Variants in SULF2 observed in about 807,000 individuals in gnomAD.
SULF2 encodes extracellular sulfatase Sulf-2.
A neutral mutation model predicts 107.7 loss-of-function variants in SULF2; 52 were observed. The ratio of observed to expected loss-of-function variants is 0.48; its 90% CI spans 0.39 to 0.61. The LOEUF is 0.61. SULF2 is among the 20% of genes least tolerant of loss of function. SULF2 has a pLI of 0.00. For missense variants in SULF2, 993 were observed against 1,177.3 expected, an observed-to-expected ratio of 0.84 and a Z score of 2.29; for synonymous variants, 460 against 464.3, an observed-to-expected ratio of 0.99 and a Z score of 0.12.
chr20:47,696,925 CAG>C (rs2088397902), intron 4 of SULF2, among the ~76,000 whole-genome samples: 1 of 152,174 alleles, frequency 6.6e-6, no homozygotes, highest in Admixed American at 6.5e-5. Flanking sequence ...CAGTAATAAA[CAG>C]AGCTACAACC....
At chr20:47,684,182 AG>A (rs1427248874) in intron 6 of SULF2, among the ~76,000 whole-genome samples, 1 of 152,240 alleles carries the variant, frequency 6.6e-6, no homozygotes, top group Non-Finnish European at 1.5e-5. Context: ...TGTAAATAGC[AG>A]GAAAAAATAT....
At chr20:47,725,275 C>A (rs1021138433) in intron 3 of SULF2, among the ~76,000 whole-genome samples, 4 of 152,154 alleles carry the variant, frequency 2.6e-5, no homozygotes, top group African/African-American at 9.7e-5. Context: ...TCCGTACATT[C>A]CTGGGAATAT....
chr20:47,760,602 T>G lies in SULF2; in HGVS notation c.-100-3139A>C, dbSNP rs1339545256. Among the ~76,000 whole-genome samples the G allele has an allele frequency of 2.0e-5, 3 of 152,176 alleles. No individual in the cohort carries two copies. In the East Asian group the frequency reaches 5.8e-4, roughly 29 times the overall value. On this transcript the variant is annotated intron_variant, in intron 1 of 20. Coordinates refer to ENST00000688720, the MANE Select transcript of SULF2 (RefSeq NM_001387048.1). The stretch of plus-strand genomic sequence containing the variant: ...CAATCAACTCTCCCAGCTGCCCTGA[T>G]GCGCACCCTAATTTACTTCATTCAG...
At chr20:47,755,669 T>G (rs1351892348) in intron 2 of SULF2, among the ~76,000 whole-genome samples, 1 of 152,176 alleles carries the variant, frequency 6.6e-6, no homozygotes, top group Non-Finnish European at 1.5e-5. Flanking sequence ...TGAATGAGTG[T>G]CCTGTTTCTG....
At chr20:47,735,475 T>G (rs1230968114) in intron 3 of SULF2, among the ~76,000 whole-genome samples, 1 of 152,236 alleles carries the variant, frequency 6.6e-6, no homozygotes, top group African/African-American at 2.4e-5. Context: ...GCATCTTCAA[T>G]AAGGGCCCAC....
Position 47,774,387 on chromosome 20 carries a change from G to C in SULF2, c.-101+10956C>G, listed in dbSNP as rs554151273. 3.3e-5 allele frequency among the ~76,000 whole-genome samples: 5 copies of C among 152,352 alleles called. No homozygotes were observed. In the South Asian group the frequency reaches 1.0e-3, roughly 32 times the overall value. Reference sequence around the variant, plus strand: ...TGGTGAGGCGGGGTCTGGGAGGAGGGAGTGCAGGCATTGAGCCCAGGTCCC... The same window carrying C: ...TGGTGAGGCGGGGTCTGGGAGGAGGCAGTGCAGGCATTGAGCCCAGGTCCC... On this transcript the variant is annotated intron_variant, in intron 1 of 20. Transcript: ENST00000688720.
chr20:47,664,144 A>C lies in SULF2; in HGVS notation c.2043T>G (p.Ser681Arg), dbSNP rs1395699905. The change falls in exon 15 of 21, where the codon AGT becomes AGG. Residue 681 changes from serine to arginine, a missense_variant. Physicochemically the swap from Ser to Arg is moderately radical, Grantham distance 110 (BLOSUM62 -1). Transcript: ENST00000688720. ...HKGRLKHRGSSLHPFRKGLQE... is the reference protein window; with the variant it reads ...HKGRLKHRGSRLHPFRKGLQE... ...GCTGCTCTTACCTGAAAGGATGCAG[A>C]CTGGAGCCTCTGTGCTTGAGGCGGC... 1 of 1,613,598 alleles carries C rather than the reference A, an allele frequency of 6.2e-7. No homozygotes were observed. Among genetic ancestry groups the C allele is most frequent in the South Asian group, 1.1e-5 (1 of 90,914 alleles).
intron 3 of SULF2, among the ~76,000 whole-genome samples, chr20:47,728,795 G>A (rs1285841843): frequency 9.9e-5 from 15 of 152,194 alleles, no homozygotes; most frequent in East Asian, 5.8e-4. Context: ...ACAGGCTTGC[G>A]CCACCACATC....
At chr20:47,720,417 G>A (rs12480095) in intron 3 of SULF2, among the ~76,000 whole-genome samples, 23,635 of 151,802 alleles carry the variant, frequency 0.16, 2,027 homozygotes, top group Non-Finnish European at 0.2. Context: ...CACCACGCCC[G>A]GCTAATTCTT....
intron 4 of SULF2, among the ~76,000 whole-genome samples, chr20:47,692,905 A>G (rs1364966870): frequency 6.6e-6 from 1 of 152,184 alleles, no homozygotes; most frequent in Non-Finnish European, 1.5e-5. Context: ...TTGTGGGGGC[A>G]GAGGGAAGGG....
intron 13 of SULF2, 41 bp from the exon 14 acceptor site, chr20:47,665,334 G>A (rs1350327114): frequency 3.8e-6 from 5 of 1,331,160 alleles, no homozygotes; most frequent in Non-Finnish European, 5.4e-6. Flanking sequence ...AACCTTCAAG[G>A]CTGGACAACA....
At chr20:47,758,613 G>A (rs534030643) in intron 1 of SULF2, among the ~76,000 whole-genome samples, 1 of 152,282 alleles carries the variant, frequency 6.6e-6, no homozygotes, top group African/African-American at 2.4e-5. Flanking sequence ...CAGCGAAGGT[G>A]GGTGCGGGGA....
rs953068636 is a variant in SULF2 at position 47,732,815 on chromosome 20, C to T, written c.415+3888G>A. Reference sequence around the variant, plus strand: ...CTGAGATTACGCCACTGCACTCCAGCGTGGGCAACAGAGTGAGACCCTGTC... The same window carrying T: ...CTGAGATTACGCCACTGCACTCCAGTGTGGGCAACAGAGTGAGACCCTGTC... On this transcript the variant is annotated intron_variant, in intron 3 of 20. Coordinates refer to ENST00000688720, the MANE Select transcript of SULF2 (RefSeq NM_001387048.1). Among the ~76,000 whole-genome samples the T allele has an allele frequency of 6.6e-5, 10 of 152,034 alleles. No homozygotes were observed. In the East Asian group the frequency reaches 7.7e-4, roughly 12 times the overall value.
chr20:47,688,352 G>T (rs565794964), intron 5 of SULF2, among the ~76,000 whole-genome samples: 1 of 152,302 alleles, frequency 6.6e-6, no homozygotes, highest in South Asian at 2.1e-4. Context: ...GGCAAAGGGG[G>T]CTTCTCCACA....
At chr20:47,700,223 A>G (rs970585813) in intron 4 of SULF2, among the ~76,000 whole-genome samples, 1 of 152,164 alleles carries the variant, frequency 6.6e-6, no homozygotes, top group African/African-American at 2.4e-5. Context: ...TCAGCAAACT[A>G]CAGCCAAGCA....
intron 3 of SULF2, among the ~76,000 whole-genome samples, chr20:47,717,320 C>T (rs1029820656): frequency 1.3e-5 from 2 of 152,170 alleles, no homozygotes; most frequent in African/African-American, 4.8e-5. Flanking sequence ...CCCCTTTTCA[C>T]CGAACATCCC....
At chr20:47,732,607 C>T (rs916464085) in intron 3 of SULF2, among the ~76,000 whole-genome samples, 6 of 148,942 alleles carry the variant, frequency 4.0e-5, no homozygotes, top group Admixed American at 1.4e-4. Flanking sequence ...TTTGGGAGGC[C>T]GAGGAGGGTG....
At chr20:47,785,602 C>T (rs540951853), upstream of SULF2, 1,575 of 146,962 alleles carry the variant, frequency 0.011, 11 homozygotes, top group Non-Finnish European at 0.017. Flanking sequence ...CTCCGCACCC[C>T]GCCCGGACCG....
In SULF2 at chr20:47,757,441, C is replaced by G. The variant is rs2090321203; in HGVS notation, c.-78G>C. 3 of 1,455,696 alleles carry G rather than the reference C, an allele frequency of 2.1e-6. No homozygotes were observed. Among genetic ancestry groups the G allele is most frequent in the East Asian group, 2.5e-5 (1 of 40,022 alleles). 90.2% of individuals were successfully genotyped at this position (1,455,696 alleles called of 1,614,324 possible). Reference sequence around the variant, plus strand: ...GCGTCTGTGGCTTTGTTTCTTTTCCCTCGTCCCTCTTCACTCGCAGATCTA... The same window carrying G: ...GCGTCTGTGGCTTTGTTTCTTTTCCGTCGTCCCTCTTCACTCGCAGATCTA... On this transcript the variant is annotated 5_prime_UTR_variant, in exon 2 of 21. Coordinates refer to ENST00000688720, the MANE Select transcript of SULF2 (RefSeq NM_001387048.1).
Sources: gnomAD v4.1 joint callset for allele counts (sites outside exome capture counted in the v4.1 genomes callset) on GRCh38, gnomAD v4.1.1 for gene constraint, MANE v1.5 for transcripts, NCBI Gene and HGNC (gene_info 2026-07-23, HGNC 2026-07-21) for gene names.